CSMD2: variants seen among roughly 807,000 people sequenced by gnomAD.
CSMD2 encodes the protein CUB and Sushi multiple domains 2.
A neutral mutation model predicts 398.5 loss-of-function variants in CSMD2; 130 were observed. The observed-to-expected ratio is 0.33, with a 90% CI of 0.28 to 0.38. CSMD2 has a LOEUF of 0.38. Among genes scored for constraint, CSMD2 ranks in the 10% least tolerant of loss-of-function variants. CSMD2 has a pLI of 1.00. For synonymous variants in CSMD2, 1,828 were observed against 1,908.5 expected (o/e 0.96, Z 1.10); for missense variants, 3,829 against 4,764.9 (o/e 0.80, Z 5.78).
chr1:33,840,019 T>C (rs1331050475), intron 6 of CSMD2: 1 of 152,170 alleles, frequency 6.6e-6, no homozygotes, highest in Non-Finnish European at 1.5e-5. Context: ...AAGTGCTTTG[T>C]TGGATGCTGC....
In CSMD2 at chr1:34,076,909, C is replaced by CAAA. The variant is rs1160217243; in HGVS notation, c.404+12065_404+12067dup. 1.0e-2 allele frequency among the ~76,000 whole-genome samples: 102 copies of CAAA among 10,210 alleles called. 9 individuals are homozygous for CAAA. Among genetic ancestry groups the CAAA allele is most frequent in the South Asian group, 0.037 (4 of 108 alleles). The allele number at this position is 10,210 out of a possible 152,430, so 6.7% of individuals were successfully genotyped here. ...ACTGTATGGCTCTGTTACAGCAAAGCAAAAAAAAAAAAAAAAAAAATATAT... is the reference window on the plus strand; with the variant it reads ...ACTGTATGGCTCTGTTACAGCAAAGCAAAAAAAAAAAAAAAAAAAAAAATATAT... On this transcript the variant is annotated intron_variant, in intron 2 of 70. Transcript: ENST00000373381.
intron 22 of CSMD2, among the ~76,000 whole-genome samples, chr1:33,701,415 G>C (rs557241837): frequency 2.7e-4 from 41 of 152,314 alleles, no homozygotes; most frequent in Non-Finnish European, 5.6e-4. Context: ...CAGGTTTCAA[G>C]GTTGCTGCTC....
chr1:33,617,411 T>G (rs1390261320), intron 38 of CSMD2, 88 bp downstream of exon 38: 13 of 981,316 alleles, frequency 1.3e-5, no homozygotes, highest in Non-Finnish European at 2.1e-5. Context: ...TCCCTGTTCT[T>G]TGGTGACTGT....
Position 33,533,066 on chromosome 1 carries a change from C to A in CSMD2, c.10155G>T (p.Lys3385Asn). 1 of 1,611,974 alleles carries A rather than the reference C, an allele frequency of 6.2e-7. No individual in the cohort carries two copies. The highest frequency in any genetic ancestry group is 8.5e-7 in the Non-Finnish European group (1 of 1,179,250). ...CACACTCACCCAGGCAGATGGGCGG[C>A]TTGCCTGTCCAGCTGCCATCCGCCT... ...TCKADGSWTG[K>N]PPICLEVRPS... The change falls in exon 64 of 71, where the codon AAG becomes AAT. Residue 3385 changes from lysine to asparagine, a missense_variant. Transcript: ENST00000373381. This position sits in a 1 kb window ranked among gnomAD's most constrained non-coding sequence, Gnocchi z 4.2.
At chr1:33,551,380 G>A (rs1657428457) in intron 55 of CSMD2, among the ~76,000 whole-genome samples, 1 of 152,220 alleles carries the variant, frequency 6.6e-6, no homozygotes, top group African/African-American at 2.4e-5. Context: ...TGGCTACTGT[G>A]TAGAGAAAGG....
intron 16 of CSMD2, among the ~76,000 whole-genome samples, 184 bp from the exon 17 acceptor site, chr1:33,725,720 C>T (rs1306124644): frequency 6.6e-6 from 1 of 152,042 alleles, no homozygotes; most frequent in Non-Finnish European, 1.5e-5. Context: ...ATTTAACATC[C>T]CTCCTCCTCC....
chr1:33,895,196 G>T (rs1642298181), intron 5 of CSMD2, among the ~76,000 whole-genome samples: 1 of 152,192 alleles, frequency 6.6e-6, no homozygotes, highest in Non-Finnish European at 1.5e-5. Flanking sequence ...TGATAGCATT[G>T]TTTTAAAGCT....
At chr1:33,906,768 G>A (rs1643116046) in intron 5 of CSMD2, among the ~76,000 whole-genome samples, 1 of 152,144 alleles carries the variant, frequency 6.6e-6, no homozygotes, top group South Asian at 2.1e-4. Context: ...TCAGTGGGTA[G>A]GCTGGGCTAG....
At chr1:33,644,776 T>C (rs999272579) in intron 29 of CSMD2, among the ~76,000 whole-genome samples, 1 of 152,028 alleles carries the variant, frequency 6.6e-6, no homozygotes, top group African/African-American at 2.4e-5. Flanking sequence ...CTTCTGTTTG[T>C]TAGAATTCCA....
chr1:34,117,202 T>C (rs1319463618), intron 1 of CSMD2, among the ~76,000 whole-genome samples: 1 of 151,740 alleles, frequency 6.6e-6, no homozygotes, highest in Non-Finnish European at 1.5e-5. Flanking sequence ...AAATTAAGAG[T>C]TGATTTTTTT....
chr1:33,847,110 G>C (rs1192724587), intron 5 of CSMD2, 114 bp from the exon 6 acceptor site: 2 of 635,022 alleles, frequency 3.1e-6, no homozygotes, highest in Middle Eastern at 5.1e-4. Flanking sequence ...CCCAGCTCTG[G>C]AGCAGGAAGG....
At chr1:34,003,919 C>G (rs1327756008) in intron 3 of CSMD2, among the ~76,000 whole-genome samples, 1 of 152,184 alleles carries the variant, frequency 6.6e-6, no homozygotes, top group Non-Finnish European at 1.5e-5. Flanking sequence ...TCCAGCATTT[C>G]TCTTCCCATT....
At chr1:34,140,838 G>A (rs1571245548) in intron 1 of CSMD2, among the ~76,000 whole-genome samples, 2 of 151,940 alleles carry the variant, frequency 1.3e-5, no homozygotes, top group African/African-American at 2.4e-5. Context: ...AGTTTTTCAC[G>A]TGGGGCTGGG....
intron 2 of CSMD2, among the ~76,000 whole-genome samples, chr1:34,060,143 A>G (rs1305912415): frequency 6.6e-6 from 1 of 152,150 alleles, no homozygotes; most frequent in Non-Finnish European, 1.5e-5. Flanking sequence ...GCCACAGAGG[A>G]AAAGGAGGAC....
intron 1 of CSMD2, 75 bp from the exon 2 acceptor site, chr1:34,089,268 T>C (rs1431156573): frequency 9.4e-6 from 13 of 1,383,790 alleles, no homozygotes; most frequent in Non-Finnish European, 1.2e-5. Flanking sequence ...AGGAGCAATG[T>C]GTTAGCAAAT....
intron 3 of CSMD2, among the ~76,000 whole-genome samples, chr1:33,990,508 G>A (rs520226): frequency 0.11 from 17,482 of 152,072 alleles, 1,679 homozygotes; most frequent in East Asian, 0.42. Flanking sequence ...CTTTCTGCAC[G>A]TGGAAAGCCC....
At chr1:33,693,665 G>A (rs1016852786) in intron 24 of CSMD2, among the ~76,000 whole-genome samples, 1 of 152,172 alleles carries the variant, frequency 6.6e-6, no homozygotes, top group African/African-American at 2.4e-5. Context: ...GTTATTCATA[G>A]TTATCAAAAA....
chr1:33,629,065 G>GAA (rs199766428), intron 32 of CSMD2, among the ~76,000 whole-genome samples: 18 of 128,574 alleles, frequency 1.4e-4, no homozygotes, highest in African/African-American at 4.5e-4. Flanking sequence ...AAGCCCTACT[G>GAA]AAAAAAAAAA....
intron 3 of CSMD2, among the ~76,000 whole-genome samples, chr1:33,945,422 CT>C (rs1302462404): frequency 3.3e-5 from 5 of 152,148 alleles, no homozygotes; most frequent in African/African-American, 4.8e-5. Context: ...AGACTTCAAC[CT>C]CTTAAAAAGT....
Sources: gnomAD v4.1 joint callset for allele counts (sites outside exome capture counted in the v4.1 genomes callset) on GRCh38, gnomAD v4.1.1 for gene constraint, Gnocchi (gnomAD v3.1) non-coding constraint, MANE v1.5 for transcripts, NCBI Gene and HGNC (gene_info 2026-07-23, HGNC 2026-07-21) for gene names.